ENTPD1: variants seen among roughly 807,000 people sequenced by gnomAD.
ENTPD1 encodes ATP diphosphohydrolase.
ENTPD1 carries 33 observed loss-of-function variants against 57.0 expected under a neutral mutation model. The observed-to-expected ratio is 0.58, with a 90% CI of 0.44 to 0.77. ENTPD1 has a LOEUF of 0.77. ENTPD1 is among the 30% of genes least tolerant of loss of function. The pLI is 0.00. For missense variants in ENTPD1, 501 were observed against 603.4 expected (o/e 0.83, Z 1.78); for synonymous variants, 202 against 218.8 (o/e 0.92, Z 0.68).
At chr10:95,701,153 T>C in the ENTPD1 span, among the ~76,000 whole-genome samples, 3 of 152,160 alleles carry the variant, frequency 2.0e-5, no homozygotes, top group African/African-American at 7.2e-5. Flanking sequence ...GTAATAGTAA[T>C]GACAGTCAAA....
Position 95,823,416 on chromosome 10 carries a change from G to T in ENTPD1, c.144+52G>T, listed in dbSNP as rs760015041. ...TGTGTATGTAAGAGGAGATCTGGGT[G>T]GGACAGGGGGAGGAGGGATAAGGTA... On this transcript the variant is annotated intron_variant, in intron 2 of 9. Coordinates refer to ENST00000371205, the MANE Select transcript of ENTPD1 (RefSeq NM_001776.6). 8.1e-6 allele frequency: 13 copies of T among 1,611,172 alleles called. 1 individual carries two copies. In the Admixed American group the frequency reaches 1.8e-4, roughly 23 times the overall value.
At chr10:95,712,106 T>G in intron 1 of ENTPD1, 1 of 1,501,766 alleles carries the variant, frequency 6.7e-7, no homozygotes, top group Non-Finnish European at 9.2e-7. Context: ...CCTTGATTAA[T>G]GAGAAAAAAG....
intron 1 of ENTPD1, among the ~76,000 whole-genome samples, chr10:95,779,546 C>A (rs1440397475): frequency 6.6e-6 from 1 of 152,160 alleles, no homozygotes; most frequent in Non-Finnish European, 1.5e-5. Flanking sequence ...TCATGTGCTG[C>A]AACTTCTTTT....
chr10:95,871,987 C>G lies in ENTPD1; in HGVS notation c.*5604C>G, dbSNP rs2098480971. 1.0e-6 allele frequency: 1 copy of G among 985,312 alleles called. No homozygotes were observed. Among genetic ancestry groups the G allele is most frequent in the African/African-American group, 1.7e-5 (1 of 57,232 alleles). 61.0% of individuals were successfully genotyped at this position (985,312 alleles called of 1,614,324 possible). On this transcript the variant is annotated 3_prime_UTR_variant, in exon 10 of 10. Coordinates refer to ENST00000371205, the MANE Select transcript of ENTPD1 (RefSeq NM_001776.6). ...TACCATTACTCCTAACCCAGTTCCT[C>G]CTCCTGTGTTTTACATGATTAATGC... is the stretch of plus-strand genomic sequence containing the variant.
At chr10:95,826,892 GC>G (rs2098379177) in intron 2 of ENTPD1, among the ~76,000 whole-genome samples, 1 of 152,152 alleles carries the variant, frequency 6.6e-6, no homozygotes, top group African/African-American at 2.4e-5. Flanking sequence ...AGGAGGGGGA[GC>G]CTTTGGGTTC....
intron 1 of ENTPD1, among the ~76,000 whole-genome samples, chr10:95,740,005 A>AT (rs1217896353): frequency 1.3e-5 from 2 of 152,182 alleles, no homozygotes; most frequent in Non-Finnish European, 1.5e-5. Flanking sequence ...TGAAAGGAAT[A>AT]TTTTTTCTGA....
chr10:95,845,340 A>T lies in ENTPD1; in HGVS notation c.574-17A>T. On this transcript the variant is annotated splice_polypyrimidine_tract_variant and intron_variant, in intron 5 of 9. Transcript: ENST00000371205. The stretch of plus-strand genomic sequence containing the variant: ...TGTCCAGAGACTTCTAGCACTGGTA[A>T]CTGTACTGTCTTTCAGAAAACAAGG... 1 of 1,614,162 alleles carries T rather than the reference A, an allele frequency of 6.2e-7. No homozygotes were observed. Among genetic ancestry groups the T allele is most frequent in the Non-Finnish European group, 8.5e-7 (1 of 1,180,034 alleles).
upstream of ENTPD1, among the ~76,000 whole-genome samples, chr10:95,710,026 G>A (rs907812095): frequency 2.0e-5 from 3 of 151,804 alleles, no homozygotes; most frequent in Non-Finnish European, 2.9e-5. Flanking sequence ...CACCCCCCTC[G>A]GCCTCCCAAA....
Position 95,873,561 on chromosome 10 carries a change from A to ATC in ENTPD1, c.*7179_*7180dup. Reference sequence around the variant, plus strand: ...AGGTAGGTTATGCCAGCTCACACGCATCCTTTAAAAATGGTTTAGAAGTTT... The same window carrying ATC: ...AGGTAGGTTATGCCAGCTCACACGCATCTCCTTTAAAAATGGTTTAGAAGTTT... On this transcript the variant is annotated 3_prime_UTR_variant, in exon 10 of 10. Coordinates refer to ENST00000371205, the MANE Select transcript of ENTPD1 (RefSeq NM_001776.6). 1 of 985,454 alleles carries ATC rather than the reference A, an allele frequency of 1.0e-6. No individual in the cohort carries two copies. Among genetic ancestry groups the ATC allele is most frequent in the Non-Finnish European group, 1.2e-6 (1 of 829,950 alleles). The allele number at this position is 985,454 out of a possible 1,614,324, so 61.0% of individuals were successfully genotyped here.
At chr10:95,781,368 C>A (rs902355533) in intron 1 of ENTPD1, among the ~76,000 whole-genome samples, 12 of 152,002 alleles carry the variant, frequency 7.9e-5, no homozygotes, top group Admixed American at 7.2e-4. Context: ...GCTATCAAAC[C>A]TATTGCCTTG....
chr10:95,806,874 C>T (rs2098274997), intron 1 of ENTPD1, among the ~76,000 whole-genome samples: 1 of 151,916 alleles, frequency 6.6e-6, no homozygotes. Context: ...GATCCTTCCT[C>T]TGGAAGCTTC....
chr10:95,702,489 T>C, the ENTPD1 span, among the ~76,000 whole-genome samples: 4 of 151,934 alleles, frequency 2.6e-5, no homozygotes, highest in South Asian at 8.3e-4. Context: ...GAAAAGAATG[T>C]AAGAGACAAT....
At chr10:95,863,688 T>G in intron 8 of ENTPD1, among the ~76,000 whole-genome samples, 1 of 152,116 alleles carries the variant, frequency 6.6e-6, no homozygotes, top group East Asian at 1.9e-4. Flanking sequence ...AGGATTTGCA[T>G]ATGGGTTAGG....
chr10:95,875,310 A>G lies in ENTPD1; in HGVS notation c.*8927A>G, dbSNP rs2098484598. 1 of 152,200 alleles carries G rather than the reference A, an allele frequency of 6.6e-6. No individual in the cohort carries two copies. Among genetic ancestry groups the G allele is most frequent in the South Asian group, 2.1e-4 (1 of 4,824 alleles). 9.4% of individuals were successfully genotyped at this position (152,200 alleles called of 1,614,324 possible). ...CCAGATACCCTAAGTCATCTCTCTCAAGCTCTAAGTTCCACAAATCTCTAG... is the reference window on the plus strand; with the variant it reads ...CCAGATACCCTAAGTCATCTCTCTCGAGCTCTAAGTTCCACAAATCTCTAG... On this transcript the variant is annotated 3_prime_UTR_variant, in exon 10 of 10. Transcript: ENST00000371205.
At position 95,875,295 on chromosome 10, in the gene ENTPD1, T is replaced by C. The variant is rs1161437320; in HGVS notation, c.*8912T>C. ...TAGAAATTTATTCCACCAGATACCC[T>C]AAGTCATCTCTCTCAAGCTCTAAGT... On this transcript the variant is annotated 3_prime_UTR_variant, in exon 10 of 10. Coordinates refer to ENST00000371205, the MANE Select transcript of ENTPD1 (RefSeq NM_001776.6). 1 of 152,310 alleles carries C rather than the reference T, an allele frequency of 6.6e-6. No individual in the cohort carries two copies. Among genetic ancestry groups the C allele is most frequent in the African/African-American group, 2.4e-5 (1 of 41,454 alleles). The allele number at this position is 152,310 out of a possible 1,614,324, so 9.4% of individuals were successfully genotyped here.
chr10:95,806,949 T>C (rs1406739929), intron 1 of ENTPD1, among the ~76,000 whole-genome samples: 6 of 152,214 alleles, frequency 3.9e-5, no homozygotes, highest in South Asian at 4.1e-4. Context: ...GTCTCCCAGT[T>C]AGGCTACATG....
At chr10:95,720,642 A>C (rs2139825676) in intron 1 of ENTPD1, among the ~76,000 whole-genome samples, 1 of 152,274 alleles carries the variant, frequency 6.6e-6, no homozygotes, top group Non-Finnish European at 1.5e-5. Flanking sequence ...GGTGCTTGCC[A>C]CAGGCACCCT....
At chr10:95,729,122 A>G (rs1304462244) in intron 1 of ENTPD1, among the ~76,000 whole-genome samples, 1 of 152,078 alleles carries the variant, frequency 6.6e-6, no homozygotes, top group African/African-American at 2.4e-5. Flanking sequence ...TGAAATCCAC[A>G]TGTAAGTGGA....
chr10:95,799,428 G>A (rs2098239609), intron 1 of ENTPD1, among the ~76,000 whole-genome samples: 1 of 152,106 alleles, frequency 6.6e-6, no homozygotes, highest in African/African-American at 2.4e-5. Flanking sequence ...AATTTACTAA[G>A]GATAATGGCC....
Sources: gnomAD v4.1 joint callset for allele counts (sites outside exome capture counted in the v4.1 genomes callset) on GRCh38, gnomAD v4.1.1 for gene constraint, MANE v1.5 for transcripts, NCBI Gene and HGNC (gene_info 2026-07-23, HGNC 2026-07-21) for gene names.